Variants in MAP3K10 observed in about 807,000 individuals in gnomAD.
The protein encoded by MAP3K10 is mitogen-activated protein kinase kinase kinase 10, also known as MKN28 derived nonreceptor_type serine/threonine kinase.
In MAP3K10, 22 loss-of-function variants were observed where a neutral mutation model predicts 75.0. That is an observed-to-expected ratio of 0.29 (90% confidence interval 0.21 to 0.42). The LOEUF (loss-of-function observed/expected upper bound fraction) is 0.42. Ranked by LOEUF, MAP3K10 falls within the 10% of genes least tolerant of loss-of-function variation. The probability of loss-of-function intolerance (pLI) is 1.00; values close to 1 mark genes in which losing one functional copy is unlikely to be tolerated. For missense variants in MAP3K10, 1,165 were observed against 1,379.8 expected (o/e 0.84, Z 2.47); for synonymous variants, 599 against 612.9 (o/e 0.98, Z 0.34).
Position 40,192,584 on chromosome 19 carries a change from G to A in MAP3K10, c.553G>A (p.Val185Met), listed in dbSNP as rs777859224. The A allele has an allele frequency of 1.2e-6, 2 of 1,613,228 alleles. No homozygotes were observed. Among genetic ancestry groups the A allele is most frequent in the South Asian group, 1.1e-5 (1 of 91,020 alleles). The change falls in exon 1 of 10, where the codon GTG (valine) becomes ATG (methionine). Residue 185 changes from valine to methionine, a missense_variant. Physicochemically the swap from Val to Met is conservative, Grantham distance 21. This residue lies in a region of MAP3K10 where 575 missense variants were observed against 793.2 expected (regional missense o/e 0.72). Coordinates refer to ENST00000253055, the MANE Select transcript of MAP3K10 (RefSeq NM_002446.4). This position sits in a 1 kb window ranked among gnomAD's most constrained non-coding sequence, Gnocchi z 7.1. ...EYARGGALSRVLAGRRVPPHV... is the reference protein window; with the variant it reads ...EYARGGALSRMLAGRRVPPHV... ...TGCCCGGGGTGGTGCACTGAGCAGG[G>A]TGCTGGCAGGTCGCCGGGTGCCACC...
In MAP3K10 at chr19:40,206,110, G is replaced by A. The variant is rs555573641; in HGVS notation, c.1388G>A (p.Arg463His). The A allele has an allele frequency of 2.2e-5, 36 of 1,611,986 alleles. No individual in the cohort carries two copies. The Middle Eastern group carries it at 1.8e-3, about 81-fold the overall frequency. Residue 463 changes from arginine to histidine, a missense_variant, in exon 5 of 10, where the codon CGC becomes CAC. Coordinates refer to ENST00000253055, the MANE Select transcript of MAP3K10 (RefSeq NM_002446.4). ...CGCAAGGGCAACTTCAAGCGCAGCC[G>A]CCTGCTCAAGCTGCGGGAAGGCGGC... ...RKRKGNFKRS[R>H]LLKLREGGSH...
At chr19:40,195,855 A>T (rs957989643) in intron 1 of MAP3K10, among the ~76,000 whole-genome samples, 2 of 152,186 alleles carry the variant, frequency 1.3e-5, no homozygotes, top group Non-Finnish European at 2.9e-5. Context: ...GTGATTTGCC[A>T]ATCTCTGCCA....
chr19:40,203,513 G>A (rs1204457417), intron 2 of MAP3K10, among the ~76,000 whole-genome samples: 1 of 152,188 alleles, frequency 6.6e-6, no homozygotes, highest in Non-Finnish European at 1.5e-5. Context: ...GTACCATGGA[G>A]CCACTGAGAG....
At position 40,204,611 on chromosome 19, in the gene MAP3K10, G is replaced by T. The variant is rs1157546105; in HGVS notation, c.990G>T (p.Glu330Asp). 16 of 1,612,666 alleles carry T rather than the reference G, an allele frequency of 9.9e-6. No individual in the cohort carries two copies. Among genetic ancestry groups the T allele is most frequent in the Non-Finnish European group, 1.4e-5 (16 of 1,179,362 alleles). The change falls in exon 3 of 10, where the codon GAG (glutamate) becomes GAT (aspartate). Residue 330 changes from glutamate (E) to aspartate (D), a missense_variant. Glu to Asp is a conservative substitution (Grantham distance 45). Around this residue, in one of 2 missense-constraint regions of MAP3K10, gnomAD observed 575 missense variants for 793.2 expected, o/e 0.72. Transcript: ENST00000253055. The surrounding 1 kb of genome is among the most constrained non-coding windows in gnomAD (Gnocchi z 4.3). ...LTLPIPSTCP[E>D]PFARLLEECW... ...TGCCCATTCCCTCCACGTGCCCCGA[G>T]CCCTTTGCCCGCCTCCTGGAGGGTG...
chr19:40,200,222 G>A (rs573963212), intron 2 of MAP3K10, among the ~76,000 whole-genome samples: 7 of 152,234 alleles, frequency 4.6e-5, no homozygotes, highest in African/African-American at 1.7e-4. Flanking sequence ...TTGCTTGACT[G>A]CAGGAGGCAG....
At chr19:40,199,846 A>G (rs551435854) in intron 2 of MAP3K10, among the ~76,000 whole-genome samples, 1 of 152,310 alleles carries the variant, frequency 6.6e-6, no homozygotes, top group Non-Finnish European at 1.5e-5. Flanking sequence ...ATTAATTTTT[A>G]TAAAAGGAAG....
chr19:40,200,980 G>C (rs531323697), intron 2 of MAP3K10, among the ~76,000 whole-genome samples: 1 of 151,752 alleles, frequency 6.6e-6, no homozygotes, highest in South Asian at 2.1e-4. Flanking sequence ...ACACCTCCCC[G>C]CCATAAACTT....
chr19:40,213,234 A>G lies in MAP3K10; in HGVS notation c.1837+46A>G. On this transcript the variant is annotated intron_variant, in intron 8 of 9. Coordinates refer to ENST00000253055, the MANE Select transcript of MAP3K10 (RefSeq NM_002446.4). This position sits in a 1 kb window ranked among gnomAD's most constrained non-coding sequence, Gnocchi z 5.7. ...AAGGGGGTGGGGGTTCCCTGGCCAA[A>G]GGGGTGAGCCTCCTGGGGCTGAGCG... The G allele has an allele frequency of 6.6e-7, 1 of 1,514,898 alleles. No homozygotes were observed. Among genetic ancestry groups the G allele is most frequent in the East Asian group, 2.4e-5 (1 of 41,192 alleles). 93.8% of individuals were successfully genotyped at this position (1,514,898 alleles called of 1,614,324 possible).
rs1454932498 is a variant in MAP3K10, at chr19:40,198,248, G to C, written c.683-127G>C. The stretch of plus-strand genomic sequence containing the variant: ...GATGTTCCAGGCCAGGAAAGGACCT[G>C]CCACAGAGCGGGGCAGCCTGAGGCA... On this transcript the variant is annotated intron_variant, in intron 1 of 9. Transcript: ENST00000253055. This position sits in a 1 kb window ranked among gnomAD's most constrained non-coding sequence, Gnocchi z 4.3. 1.2e-6 allele frequency: 1 copy of C among 857,908 alleles called. No homozygotes were observed. Among genetic ancestry groups the C allele is most frequent in the African/African-American group, 1.7e-5 (1 of 58,810 alleles). 53.1% of individuals were successfully genotyped at this position (857,908 alleles called of 1,614,324 possible). A position where few individuals can be genotyped will look rare whatever the true frequency, so the allele number is the denominator to read the frequency against.
intron 1 of MAP3K10, among the ~76,000 whole-genome samples, chr19:40,197,317 GT>G (rs899902829): frequency 2.6e-5 from 4 of 151,890 alleles, no homozygotes; most frequent in South Asian, 2.1e-4. Flanking sequence ...CTCTGCCTTT[GT>G]TTTTGTTTTT....
chr19:40,213,660 G>T lies in MAP3K10; in HGVS notation c.1981G>T (p.Ala661Ser). Residue 661 changes from alanine to serine, a missense_variant, in exon 9 of 10, where the codon GCT becomes TCT. By Grantham distance (99) the Ala-to-Ser change is moderately conservative. Coordinates refer to ENST00000253055, the MANE Select transcript of MAP3K10 (RefSeq NM_002446.4). The surrounding 1 kb of genome is among the most constrained non-coding windows in gnomAD (Gnocchi z 5.7). The part of the protein sequence containing the change: ...PWEPTPSAPP[A>S]RWGHGARRRC... The stretch of plus-strand genomic sequence containing the variant: ...GGAGCCGACGCCGTCCGCGCCCCCC[G>T]CTCGGTGGGGACACGGCGCCCGGCG... 3 of 1,243,912 alleles carry T rather than the reference G, an allele frequency of 2.4e-6. No homozygotes were observed. The highest frequency in any genetic ancestry group is 2.0e-6 in the Non-Finnish European group (2 of 985,548). 77.1% of individuals were successfully genotyped at this position (1,243,912 alleles called of 1,614,324 possible).
Position 40,204,691 on chromosome 19 carries a change from G to C in MAP3K10, c.1012+58G>C. ...AGCTTGGAGTGGCAGGGACCTGTGGGCCCAGACCTTTCCCCTTCACACCTA... is the reference window on the plus strand; with the variant it reads ...AGCTTGGAGTGGCAGGGACCTGTGGCCCCAGACCTTTCCCCTTCACACCTA... On this transcript the variant is annotated intron_variant, in intron 3 of 9. Coordinates refer to ENST00000253055, the MANE Select transcript of MAP3K10 (RefSeq NM_002446.4). This position sits in a 1 kb window ranked among gnomAD's most constrained non-coding sequence, Gnocchi z 4.3. The C allele has an allele frequency of 6.3e-7, 1 of 1,577,766 alleles. No homozygotes were observed. The highest frequency in any genetic ancestry group is 8.6e-7 in the Non-Finnish European group (1 of 1,159,976).
Position 40,215,420 on chromosome 19 carries a change from G to C in MAP3K10, c.*128G>C. 1 of 862,182 alleles carries C rather than the reference G, an allele frequency of 1.2e-6. No homozygotes were observed. Among genetic ancestry groups the C allele is most frequent in the Non-Finnish European group, 1.8e-6 (1 of 571,206 alleles). The allele number at this position is 862,182 out of a possible 1,614,324, so 53.4% of individuals were successfully genotyped here. Reference sequence around the variant, plus strand: ...TCACTCTATTTATTGGGGAAGGAGGGAGGGGGGGGACACTTAACTTATTCC... The same window carrying C: ...TCACTCTATTTATTGGGGAAGGAGGCAGGGGGGGGACACTTAACTTATTCC... On this transcript the variant is annotated 3_prime_UTR_variant, in exon 10 of 10. Coordinates refer to ENST00000253055, the MANE Select transcript of MAP3K10 (RefSeq NM_002446.4).
intron 2 of MAP3K10, among the ~76,000 whole-genome samples, chr19:40,201,492 CTT>C (rs36045799): frequency 0.14 from 16,295 of 113,448 alleles, 1,097 homozygotes; most frequent in Admixed American, 0.18. Flanking sequence ...CGCACCCAGC[CTT>C]TTTTTTTTTT....
chr19:40,194,583 G>T (rs1972873233), intron 1 of MAP3K10, among the ~76,000 whole-genome samples: 1 of 152,196 alleles, frequency 6.6e-6, no homozygotes, highest in Non-Finnish European at 1.5e-5. Context: ...CTGGTCAAAG[G>T]GTCAGTGGGC....
intron 2 of MAP3K10, among the ~76,000 whole-genome samples, chr19:40,203,531 G>A (rs1973063626): frequency 6.6e-6 from 1 of 152,148 alleles, no homozygotes; most frequent in South Asian, 2.1e-4. Context: ...GAGCACTGTC[G>A]TGGGCAGCAG....
chr19:40,201,292 C>T (rs1973014297), intron 2 of MAP3K10, among the ~76,000 whole-genome samples: 1 of 151,874 alleles, frequency 6.6e-6, no homozygotes, highest in African/African-American at 2.4e-5. Flanking sequence ...CCTGCCTCAG[C>T]CTCCCAAGTA....
In MAP3K10 at chr19:40,214,989, C is replaced by A. The variant is rs1403568873; in HGVS notation, c.2562C>A (p.Asp854Glu). 1.3e-6 allele frequency: 2 copies of A among 1,578,270 alleles called. No homozygotes were observed. The highest frequency in any genetic ancestry group is 1.7e-5 in the Admixed American group (1 of 59,674). The part of the protein sequence containing the change: ...GHGPGPRDLL[D>E]FPRLPDPQAL... ...TACCAGGCCCTCGTGACCTTCTGGA[C>A]TTCCCCCGCCTGCCCGACCCCCAGG... is the stretch of plus-strand genomic sequence containing the variant. The change falls in exon 10 of 10, where the codon GAC becomes GAA. Residue 854 changes from aspartate (D) to glutamate (E), a missense_variant. By Grantham distance (45) the Asp-to-Glu change is conservative. This residue lies in a region of MAP3K10 where 590 missense variants were observed against 586.6 expected (regional missense o/e 1.01). Coordinates refer to ENST00000253055, the MANE Select transcript of MAP3K10 (RefSeq NM_002446.4).
At position 40,213,053 on chromosome 19, in the gene MAP3K10, C is replaced by T. The variant is rs1400502554; in HGVS notation, c.1725-23C>T. 1.2e-6 allele frequency: 2 copies of T among 1,602,058 alleles called. No individual in the cohort carries two copies. The highest frequency in any genetic ancestry group is 1.1e-5 in the South Asian group (1 of 89,272). Reference sequence around the variant, plus strand: ...GCTCCAGGCCACAGGACTGAGGTCTCCATCTCTCCCTGGACCCCGCAGGCT... The same window carrying T: ...GCTCCAGGCCACAGGACTGAGGTCTTCATCTCTCCCTGGACCCCGCAGGCT... On this transcript the variant is annotated intron_variant, in intron 7 of 9. Coordinates refer to ENST00000253055, the MANE Select transcript of MAP3K10 (RefSeq NM_002446.4). The surrounding 1 kb of genome is among the most constrained non-coding windows in gnomAD (Gnocchi z 5.7).
Sources: allele counts gnomAD v4.1 joint callset (sites outside exome capture counted in the v4.1 genomes callset), GRCh38; gene constraint gnomAD v4.1.1; regional missense constraint gnomAD v4.1.1; non-coding constraint Gnocchi (gnomAD v3.1); transcripts MANE v1.5; gene names NCBI Gene and HGNC (gene_info 2026-07-23, HGNC 2026-07-21).